The following RAB31 variants were observed in gnomAD, a reference collection of about 807,000 sequenced individuals.
RAB31 encodes the protein RAB31, member RAS oncogene family.
RAB31 carries 21 observed loss-of-function variants against 25.6 expected under a neutral mutation model. That is an observed-to-expected ratio of 0.82 (90% CI 0.58 to 1.18). RAB31 has a LOEUF of 1.18. RAB31 is among the 50% of genes most tolerant of loss of function. The probability of loss-of-function intolerance (pLI) is 0.00; values close to 1 mark genes in which losing one functional copy is unlikely to be tolerated. For missense variants in RAB31, 196 were observed against 250.1 expected (o/e 0.78, Z 1.46); for synonymous variants, 87 against 84.0 (o/e 1.04, Z -0.20).
chr18:9,818,365 C>T (rs748129343), intron 5 of RAB31, among the ~76,000 whole-genome samples: 7 of 152,150 alleles, frequency 4.6e-5, no homozygotes, highest in South Asian at 4.1e-4. Flanking sequence ...CATTTATACT[C>T]GCTCTCAATT....
chr18:9,808,031 A>G (rs550963078), intron 3 of RAB31, among the ~76,000 whole-genome samples: 1 of 152,268 alleles, frequency 6.6e-6, no homozygotes, highest in Non-Finnish European at 1.5e-5. Context: ...TTTTGTGGAA[A>G]GATGTTTGGA....
At chr18:9,808,905 A>G (rs1048368191) in intron 3 of RAB31, among the ~76,000 whole-genome samples, 2 of 152,224 alleles carry the variant, frequency 1.3e-5, no homozygotes, top group African/African-American at 2.4e-5. Flanking sequence ...CTCATTCCCA[A>G]CTTGCAGGAT....
At chr18:9,817,581 A>G (rs760850656) in intron 5 of RAB31, among the ~76,000 whole-genome samples, 1 of 152,248 alleles carries the variant, frequency 6.6e-6, no homozygotes. Flanking sequence ...GTAGTACGAG[A>G]TGATATTTCC....
Position 9,792,167 on chromosome 18 carries a change from A to T in RAB31, c.133A>T (p.Thr45Ser). Residue 45 changes from threonine to serine, a missense_variant, in exon 3 of 7, where the codon ACC becomes TCC. By Grantham distance (58) the Thr-to-Ser change is moderately conservative. Transcript: ENST00000578921. ...ISPTIGASFM[T>S]KTVPCGNELH... Reference sequence around the variant, plus strand: ...CTCTTTTTTCAGGGCATCTTTTATGACCAAAACTGTGCCTTGTGGAAATGA... The same window carrying T: ...CTCTTTTTTCAGGGCATCTTTTATGTCCAAAACTGTGCCTTGTGGAAATGA... 1.9e-6 allele frequency: 3 copies of T among 1,611,236 alleles called. 1 individual carries two copies. The South Asian group carries it at 3.3e-5, about 18-fold the overall frequency.
At chr18:9,725,742 C>A (rs1297123018) in intron 1 of RAB31, among the ~76,000 whole-genome samples, 1 of 152,188 alleles carries the variant, frequency 6.6e-6, no homozygotes, top group African/African-American at 2.4e-5. Flanking sequence ...GGAAAACATG[C>A]AAATTCCCAC....
At chr18:9,771,679 G>C (rs926473102) in intron 1 of RAB31, among the ~76,000 whole-genome samples, 2 of 152,240 alleles carry the variant, frequency 1.3e-5, no homozygotes, top group African/African-American at 4.8e-5. Flanking sequence ...CTGGTGGCCA[G>C]CCGAGGAACA....
At chr18:9,754,280 CT>C (rs2068249840) in intron 1 of RAB31, among the ~76,000 whole-genome samples, 1 of 151,958 alleles carries the variant, frequency 6.6e-6, no homozygotes, top group African/African-American at 2.4e-5. Flanking sequence ...CAAGTACAGA[CT>C]TTTTTCTCTT....
In RAB31 at chr18:9,859,268, C is replaced by G; in HGVS notation, c.531C>G (p.Asn177Lys). The change falls in exon 7 of 7, where the codon AAC (asparagine) becomes AAG (lysine). Residue 177 changes from asparagine to lysine, a missense_variant. Physicochemically the swap from Asn to Lys is moderately conservative, Grantham distance 94. Coordinates refer to ENST00000578921, the MANE Select transcript of RAB31 (RefSeq NM_006868.4). The stretch of plus-strand genomic sequence containing the variant: ...CCTTGGACCCCCATGAAAATGGAAA[C>G]AATGGAACAATCAAAGTTGAGAAGC... ...IPPLDPHENGNNGTIKVEKPT... is the reference protein window; with the variant it reads ...IPPLDPHENGKNGTIKVEKPT... 1 of 1,613,884 alleles carries G rather than the reference C, an allele frequency of 6.2e-7. No homozygotes were observed. Among genetic ancestry groups the G allele is most frequent in the Non-Finnish European group, 8.5e-7 (1 of 1,179,826 alleles).
rs200571124 is a variant in RAB31 at position 9,724,298 on chromosome 18, AC to A, written c.39+15855del. 1.1e-3 allele frequency among the ~76,000 whole-genome samples: 151 copies of A among 140,726 alleles called. 1 individual carries two copies. The Middle Eastern group carries it at 0.012, about 11-fold the overall frequency. 92.3% of individuals were successfully genotyped at this position (140,726 alleles called of 152,430 possible). A position where few individuals can be genotyped will look rare whatever the true frequency, so the allele number is the denominator to read the frequency against. On this transcript the variant is annotated intron_variant, in intron 1 of 6. Coordinates refer to ENST00000578921, the MANE Select transcript of RAB31 (RefSeq NM_006868.4). ...AAAAAAAAAAAAAAACAAAAAAAAA[AC>A]ATTATTATTGAAATGATACTTCACA... is the stretch of plus-strand genomic sequence containing the variant.
In RAB31 at chr18:9,782,076, G is replaced by A. The variant is rs114708184; in HGVS notation, c.119+6719G>A. Among the ~76,000 whole-genome samples, 274 of 152,318 alleles carry A rather than the reference G, an allele frequency of 1.8e-3. 1 individual carries two copies. Among genetic ancestry groups the A allele is most frequent in the African/African-American group, 6.3e-3 (263 of 41,572 alleles). ...CATTCCCATGTGGTGGGAGCCAGCCGGTGCCACTCCGCATGGGTGGCCAGG... is the reference window on the plus strand; with the variant it reads ...CATTCCCATGTGGTGGGAGCCAGCCAGTGCCACTCCGCATGGGTGGCCAGG... On this transcript the variant is annotated intron_variant, in intron 2 of 6. Coordinates refer to ENST00000578921, the MANE Select transcript of RAB31 (RefSeq NM_006868.4).
At chr18:9,852,635 C>A (rs2068794907) in intron 6 of RAB31, among the ~76,000 whole-genome samples, 1 of 151,696 alleles carries the variant, frequency 6.6e-6, no homozygotes, top group South Asian at 2.1e-4. Flanking sequence ...ATGCATAAAC[C>A]ACAATTTATT....
At chr18:9,771,177 A>C (rs2068343102) in intron 1 of RAB31, among the ~76,000 whole-genome samples, 1 of 152,156 alleles carries the variant, frequency 6.6e-6, no homozygotes, top group African/African-American at 2.4e-5. Flanking sequence ...TCTCTTAAAA[A>C]AATAAAGGAA....
chr18:9,724,705 T>C (rs1390647981), intron 1 of RAB31, among the ~76,000 whole-genome samples: 2 of 152,210 alleles, frequency 1.3e-5, no homozygotes, highest in African/African-American at 4.8e-5. Flanking sequence ...TGCCTTTGAT[T>C]AAGAAGGATG....
At chr18:9,760,745 A>G (rs1182068753) in intron 1 of RAB31, among the ~76,000 whole-genome samples, 1 of 152,164 alleles carries the variant, frequency 6.6e-6, no homozygotes, top group African/African-American at 2.4e-5. Context: ...CACAGTTCCC[A>G]AGGCCCCCGC....
chr18:9,818,220 G>A (rs2068608545), intron 5 of RAB31, among the ~76,000 whole-genome samples: 1 of 152,130 alleles, frequency 6.6e-6, no homozygotes, highest in South Asian at 2.1e-4. Context: ...TTGTATTGAG[G>A]TAAATTACAA....
intron 1 of RAB31, among the ~76,000 whole-genome samples, chr18:9,709,426 C>A (rs976559721): frequency 6.6e-6 from 1 of 152,158 alleles, no homozygotes; most frequent in African/African-American, 2.4e-5. Context: ...CTCATGAAAA[C>A]CATTTCCTAA....
At chr18:9,756,442 T>A (rs1200697841) in intron 1 of RAB31, among the ~76,000 whole-genome samples, 2 of 152,240 alleles carry the variant, frequency 1.3e-5, no homozygotes, top group Non-Finnish European at 2.9e-5. Context: ...TTTGATTAAA[T>A]CACATCTGTT....
Position 9,724,396 on chromosome 18 carries a change from G to A in RAB31, c.39+15952G>A, listed in dbSNP as rs143974326. 7.4e-4 allele frequency among the ~76,000 whole-genome samples: 113 copies of A among 151,954 alleles called. 1 individual carries two copies. The highest frequency in any genetic ancestry group is 2.4e-3 in the African/African-American group (101 of 41,466). On this transcript the variant is annotated intron_variant, in intron 1 of 6. Coordinates refer to ENST00000578921, the MANE Select transcript of RAB31 (RefSeq NM_006868.4). ...GACTGGACACTTCATTTGCATCAGC[G>A]CTTTGCTTCTGACTTGTTAATCTTA... is the stretch of plus-strand genomic sequence containing the variant.
chr18:9,746,817 C>T (rs989876274), intron 1 of RAB31, among the ~76,000 whole-genome samples: 18 of 152,158 alleles, frequency 1.2e-4, no homozygotes, highest in Middle Eastern at 3.2e-3. Context: ...TGTAAAACTT[C>T]TAATGGAAAA....
Sources: allele counts gnomAD v4.1 joint callset (sites outside exome capture counted in the v4.1 genomes callset), GRCh38; gene constraint gnomAD v4.1.1; transcripts MANE v1.5; gene names NCBI Gene and HGNC (gene_info 2026-07-23, HGNC 2026-07-21).